Variants in CAST observed in about 807,000 individuals in gnomAD.
CAST encodes the protein calpastatin, also known as MIR583 host.
CAST carries 76 observed loss-of-function variants against 119.6 expected under a neutral mutation model. The ratio of observed to expected loss-of-function variants is 0.64; its 90% CI spans 0.53 to 0.77. The LOEUF (loss-of-function observed/expected upper bound fraction) is 0.77, where lower values mean the gene tolerates loss of function less well. CAST is among the 30% of genes least tolerant of loss of function. The probability of loss-of-function intolerance (pLI) is 0.00; values close to 1 mark genes in which losing one functional copy is unlikely to be tolerated. For synonymous variants in CAST, 319 were observed against 331.6 expected (o/e 0.96, Z 0.41); for missense variants, 953 against 946.5 (o/e 1.01, Z -0.09).
the CAST span, among the ~76,000 whole-genome samples, chr5:96,354,511 C>T: frequency 6.6e-6 from 1 of 151,528 alleles, no homozygotes; most frequent in East Asian, 1.9e-4. Context: ...TATGATACAC[C>T]ATGGGTTGAG....
chr5:96,165,973 TCATTAA>T, the CAST span, among the ~76,000 whole-genome samples: 1 of 72,118 alleles, frequency 1.4e-5, no homozygotes. Flanking sequence ...ATTATCCATT[TCATTAA>T]TCATTATCCA....
the CAST span, among the ~76,000 whole-genome samples, chr5:96,503,708 C>T: frequency 6.6e-6 from 1 of 152,174 alleles, no homozygotes; most frequent in South Asian, 2.1e-4. Flanking sequence ...TTCTGATAGT[C>T]TCACTTGAGG....
At chr5:96,464,598 A>G in the CAST span, among the ~76,000 whole-genome samples, 1 of 152,084 alleles carries the variant, frequency 6.6e-6, no homozygotes, top group Non-Finnish European at 1.5e-5. Flanking sequence ...TTGCAGCCCA[A>G]ACATTTAATA....
At chr5:96,081,520 T>C in the CAST span, among the ~76,000 whole-genome samples, 1 of 152,166 alleles carries the variant, frequency 6.6e-6, no homozygotes, top group South Asian at 2.1e-4. Context: ...AATGATCCCA[T>C]GTACCTTAAA....
Position 96,741,292 on chromosome 5 carries a change from A to G in CAST, c.945A>G (p.Ile315Met). ...SSKPIGPDDA[I>M]DALSSDFTCG... ...AACCCATAGGGCCAGATGATGCTAT[A>G]GACGCCTTGTCATCTGACTTCACCT... The change falls in exon 14 of 32, where the codon ATA (isoleucine) becomes ATG (methionine). Residue 315 changes from isoleucine to methionine, a missense_variant. Coordinates refer to ENST00000675179, the MANE Select transcript of CAST (RefSeq NM_001750.7). 6.2e-7 allele frequency: 1 copy of G among 1,612,562 alleles called. No individual in the cohort carries two copies. The highest frequency in any genetic ancestry group is 8.5e-7 in the Non-Finnish European group (1 of 1,178,582).
At chr5:96,662,925 C>G in intron 1 of CAST, 1 of 590,410 alleles carries the variant, frequency 1.7e-6, no homozygotes, top group Non-Finnish European at 3.0e-6. Context: ...CCTAACCAGC[C>G]TCGAGCCAAA....
At chr5:96,407,102 TTATC>T in the CAST span, among the ~76,000 whole-genome samples, 1 of 152,214 alleles carries the variant, frequency 6.6e-6, no homozygotes, top group Non-Finnish European at 1.5e-5. Context: ...TAATTAATGT[TTATC>T]TAATTTGGGG....
chr5:96,507,990 C>CATTATTATTATTATTATTATT, the CAST span, among the ~76,000 whole-genome samples: 1 of 142,266 alleles, frequency 7.0e-6, no homozygotes, highest in Non-Finnish European at 1.5e-5. Context: ...ATATCCCTGA[C>CATTATTATTATTATTATTATT]ATTATTATTA....
At chr5:96,717,875 A>G (rs1276440813) in intron 3 of CAST, among the ~76,000 whole-genome samples, 6 of 152,234 alleles carry the variant, frequency 3.9e-5, no homozygotes, top group African/African-American at 9.6e-5. Flanking sequence ...CATGGTAGAC[A>G]TTTATTTTAG....
the CAST span, among the ~76,000 whole-genome samples, chr5:96,451,539 C>G: frequency 6.6e-6 from 1 of 152,106 alleles, no homozygotes; most frequent in South Asian, 2.1e-4. Flanking sequence ...CCATAAAAAC[C>G]CTAGAAGAAA....
intron 1 of CAST, among the ~76,000 whole-genome samples, chr5:96,557,378 A>G (rs2150183590): frequency 6.6e-6 from 1 of 152,194 alleles, no homozygotes; most frequent in South Asian, 2.1e-4. Context: ...TTAAATGTAA[A>G]TGGGCTAAAT....
At chr5:96,280,265 C>T in the CAST span, among the ~76,000 whole-genome samples, 1 of 152,096 alleles carries the variant, frequency 6.6e-6, no homozygotes, top group African/African-American at 2.4e-5. Flanking sequence ...TTTGGTAGTT[C>T]CTAATTCCAC....
the CAST span, among the ~76,000 whole-genome samples, chr5:96,200,977 G>A: frequency 5.9e-5 from 9 of 152,062 alleles, no homozygotes; most frequent in African/African-American, 1.4e-4. Context: ...TCACATCTAC[G>A]TGTGGCTTTT....
chr5:96,747,481 G>A (rs1165991245), intron 18 of CAST, 89 bp downstream of exon 18: 2 of 868,556 alleles, frequency 2.3e-6, no homozygotes, highest in Non-Finnish European at 3.8e-6. Context: ...GGAATTCACT[G>A]TGCAGACTTG....
At chr5:96,423,759 A>G in the CAST span, among the ~76,000 whole-genome samples, 21 of 152,326 alleles carry the variant, frequency 1.4e-4, no homozygotes, top group African/African-American at 5.1e-4. Context: ...TCTTTCATTT[A>G]TAATAACATG....
the CAST span, among the ~76,000 whole-genome samples, chr5:95,998,703 T>A: frequency 6.6e-6 from 1 of 152,220 alleles, no homozygotes. Flanking sequence ...TTGTGAATAG[T>A]TCTGCAATAA....
the CAST span, among the ~76,000 whole-genome samples, chr5:96,208,992 A>G: frequency 1.3e-5 from 2 of 151,968 alleles, no homozygotes; most frequent in Non-Finnish European, 2.9e-5. Flanking sequence ...TTGTTTTATG[A>G]ATCTGGGTGC....
At chr5:96,106,098 G>T in the CAST span, among the ~76,000 whole-genome samples, 4 of 151,848 alleles carry the variant, frequency 2.6e-5, no homozygotes, top group African/African-American at 9.7e-5. Context: ...TTATCATTTT[G>T]TATTGTGTCT....
chr5:95,991,261 C>T, the CAST span, among the ~76,000 whole-genome samples: 1 of 152,132 alleles, frequency 6.6e-6, no homozygotes, highest in South Asian at 2.1e-4. Context: ...TCCTTTCACA[C>T]AGAGAAAAGC....
Sources: allele counts gnomAD v4.1 joint callset (sites outside exome capture counted in the v4.1 genomes callset), GRCh38; gene constraint gnomAD v4.1.1; transcripts MANE v1.5; gene names NCBI Gene and HGNC (gene_info 2026-07-23, HGNC 2026-07-21).